Variants in CACNA1C observed in about 807,000 individuals in gnomAD.
CACNA1C encodes calcium voltage-gated channel subunit alpha1 C.
CACNA1C carries 30 observed loss-of-function variants against 229.0 expected under a neutral mutation model. The observed-to-expected ratio is 0.13, with a 90% confidence interval of 0.10 to 0.18. The LOEUF (loss-of-function observed/expected upper bound fraction) is 0.18. Ranked by LOEUF, CACNA1C falls within the 10% of genes least tolerant of loss-of-function variation. CACNA1C has a pLI of 1.00. For synonymous variants in CACNA1C, 1,114 were observed against 1,132.5 expected, an observed-to-expected ratio of 0.98 and a Z score of 0.33; for missense variants, 1,658 against 2,845.0, an observed-to-expected ratio of 0.58 and a Z score of 9.49.
In CACNA1C at chr12:2,584,630, G is replaced by A. The variant is rs1195272111; in HGVS notation, c.2339+13G>A. ...AGAAGCTGGCCAGGTAACCCTCTAA[G>A]CTTGCCCAGGCCTGGGGCTCCAGGG... is the stretch of plus-strand genomic sequence containing the variant. On this transcript the variant is annotated intron_variant, in intron 16 of 46. Coordinates refer to ENST00000399655, the MANE Select transcript of CACNA1C (RefSeq NM_000719.7). The A allele has an allele frequency of 6.4e-7, 1 of 1,566,468 alleles. No individual in the cohort carries two copies. The highest frequency in any genetic ancestry group is 2.3e-5 in the East Asian group (1 of 44,444).
At chr12:2,271,576 T>C (rs1465572364) in intron 3 of CACNA1C, among the ~76,000 whole-genome samples, 1 of 152,072 alleles carries the variant, frequency 6.6e-6, no homozygotes, top group Non-Finnish European at 1.5e-5. Flanking sequence ...GTGTCTATGG[T>C]AGGGAATTAG....
rs114455370 is a variant in CACNA1C at position 2,555,238 on chromosome 12, T to A, written c.1482-1713T>A. ...TTAGGTTTCCCCAGAGGGGAGCTTT[T>A]CAGAGCCCACTTGCACTTGTGACCC... On this transcript the variant is annotated intron_variant, in intron 10 of 46. Coordinates refer to ENST00000399655, the MANE Select transcript of CACNA1C (RefSeq NM_000719.7). Among the ~76,000 whole-genome samples the A allele has an allele frequency of 3.7e-3, 563 of 152,330 alleles. 3 individuals are homozygous for A. The highest frequency in any genetic ancestry group is 0.013 in the African/African-American group (528 of 41,588).
At chr12:2,522,701 C>G (rs897195836) in intron 9 of CACNA1C, among the ~76,000 whole-genome samples, 2 of 152,116 alleles carry the variant, frequency 1.3e-5, no homozygotes, top group African/African-American at 4.8e-5. Flanking sequence ...GGATACATTT[C>G]AGCCCTCTGG....
intron 1 of CACNA1C, among the ~76,000 whole-genome samples, chr12:2,114,228 G>A (rs1371515351): frequency 6.6e-6 from 1 of 152,222 alleles, no homozygotes; most frequent in Non-Finnish European, 1.5e-5. Context: ...CTGGGGGCTG[G>A]CCAGGGCTCC....
intron 7 of CACNA1C, among the ~76,000 whole-genome samples, chr12:2,497,663 C>A (rs1332741120): frequency 6.6e-6 from 1 of 152,170 alleles, no homozygotes; most frequent in Non-Finnish European, 1.5e-5. Flanking sequence ...TGACACCACC[C>A]ATTGCCCCTG....
At chr12:2,491,601 G>A (rs1353849027) in intron 6 of CACNA1C, among the ~76,000 whole-genome samples, 3 of 151,480 alleles carry the variant, frequency 2.0e-5, no homozygotes, top group African/African-American at 7.3e-5. Context: ...AGCTGATGGG[G>A]TCAGTGGGAG....
At chr12:2,136,625 T>A (rs1290161724) in intron 3 of CACNA1C, among the ~76,000 whole-genome samples, 1 of 150,830 alleles carries the variant, frequency 6.6e-6, no homozygotes, top group African/African-American at 2.4e-5. Context: ...AAGGAGGGAG[T>A]GAACGTCCCC....
At chr12:1,993,627 G>GGTGTGTGT (rs150056084) in intron 1 of CACNA1C, among the ~76,000 whole-genome samples, 16,235 of 146,482 alleles carry the variant, frequency 0.11, 927 homozygotes, top group Non-Finnish European at 0.13. Context: ...CTTCATTTGT[G>GGTGTGTGT]GTGTGTGTGT....
At position 2,685,799 on chromosome 12, in the gene CACNA1C, C is replaced by T. The variant is rs569227029; in HGVS notation, c.5637C>T (p.Ile1879=). The T allele has an allele frequency of 1.2e-6, 2 of 1,613,706 alleles. No individual in the cohort carries two copies. The highest frequency in any genetic ancestry group is 1.7e-6 in the Non-Finnish European group (2 of 1,179,638). Residue 1879 remains isoleucine, a synonymous_variant, in exon 44 of 47, where the codon ATC becomes ATT. Coordinates refer to ENST00000399655, the MANE Select transcript of CACNA1C (RefSeq NM_000719.7). ...LTLPEEDKRD[I]RQSPKRGFLR... ...TCCCAGAGGAGGACAAGAGGGACAT[C>T]CGGCAATCTCCGAAGAGGGGTTTCC...
chr12:2,677,387 G>A lies in CACNA1C; in HGVS notation c.4956+166G>A. 1.3e-6 allele frequency: 1 copy of A among 745,068 alleles called. No individual in the cohort carries two copies. The highest frequency in any genetic ancestry group is 2.1e-6 in the Non-Finnish European group (1 of 471,062). 46.2% of individuals were successfully genotyped at this position (745,068 alleles called of 1,614,324 possible). On this transcript the variant is annotated intron_variant, in intron 40 of 46. Coordinates refer to ENST00000399655, the MANE Select transcript of CACNA1C (RefSeq NM_000719.7). This position sits in a 1 kb window ranked among gnomAD's most constrained non-coding sequence, Gnocchi z 7.4. ...CCAAAGATGGCTGTGAGAAGGGGGTGATGTGCCCTTCCCTACCTGCCACCC... is the reference window on the plus strand; with the variant it reads ...CCAAAGATGGCTGTGAGAAGGGGGTAATGTGCCCTTCCCTACCTGCCACCC...
At chr12:2,455,665 C>G (rs1039645389) in intron 4 of CACNA1C, among the ~76,000 whole-genome samples, 1 of 152,146 alleles carries the variant, frequency 6.6e-6, no homozygotes, top group Non-Finnish European at 1.5e-5. Context: ...TGTTTGTCCA[C>G]ATCACTCCAC....
At chr12:2,006,175 T>C (rs1466742409) in intron 1 of CACNA1C, among the ~76,000 whole-genome samples, 2 of 152,152 alleles carry the variant, frequency 1.3e-5, no homozygotes, top group Non-Finnish European at 2.9e-5. Flanking sequence ...TTTGGGAGGC[T>C]GAGGCGGGCG....
intron 2 of CACNA1C, among the ~76,000 whole-genome samples, chr12:2,116,594 C>A (rs756024566): frequency 3.9e-5 from 6 of 152,092 alleles, no homozygotes; most frequent in Non-Finnish European, 8.8e-5. Context: ...GTCTCGATCT[C>A]CTAACCTCGT....
intron 1 of CACNA1C, among the ~76,000 whole-genome samples, chr12:1,975,820 A>G (rs749300844): frequency 2.6e-5 from 4 of 152,196 alleles, no homozygotes; most frequent in Admixed American, 6.5e-5. Flanking sequence ...CAGATTGTTA[A>G]GTTACATAAG....
At chr12:2,259,556 A>T (rs1483364636) in intron 3 of CACNA1C, among the ~76,000 whole-genome samples, 1 of 152,230 alleles carries the variant, frequency 6.6e-6, no homozygotes, top group African/African-American at 2.4e-5. Flanking sequence ...AGAATTTTCC[A>T]GTGTCTTTTG....
chr12:2,292,918 G>A (rs2093653787), intron 3 of CACNA1C, among the ~76,000 whole-genome samples: 2 of 151,608 alleles, frequency 1.3e-5, no homozygotes, highest in African/African-American at 2.4e-5. Flanking sequence ...AGAGCTTTCC[G>A]TAATTGCGTC....
chr12:2,119,366 G>A (rs2085461595), intron 2 of CACNA1C, among the ~76,000 whole-genome samples: 1 of 152,246 alleles, frequency 6.6e-6, no homozygotes, highest in African/African-American at 2.4e-5. Flanking sequence ...CGGGGTAGGT[G>A]GGAGTGGAGC....
chr12:2,504,374 C>T lies in CACNA1C; in HGVS notation c.1114-468C>T, dbSNP rs1429107922. 8.7e-6 allele frequency: 8 copies of T among 919,582 alleles called. No individual in the cohort carries two copies. The highest frequency in any genetic ancestry group is 1.3e-5 in the South Asian group (1 of 74,808). 57.0% of individuals were successfully genotyped at this position (919,582 alleles called of 1,614,324 possible). On this transcript the variant is annotated intron_variant, in intron 7 of 46. Coordinates refer to ENST00000399655, the MANE Select transcript of CACNA1C (RefSeq NM_000719.7). The surrounding 1 kb of genome is among the most constrained non-coding windows in gnomAD (Gnocchi z 6.8). ...CCTCCCAATCTGCTCACACCTGCTG[C>T]CTGCCTCTTTGCTGTAACCCAATTC...
intron 3 of CACNA1C, among the ~76,000 whole-genome samples, chr12:2,328,055 G>T (rs1365306357): frequency 6.6e-6 from 1 of 152,224 alleles, no homozygotes; most frequent in African/African-American, 2.4e-5. Context: ...TGCAGAGGAA[G>T]ATTTTGATAG....
Sources: allele counts gnomAD v4.1 joint callset (sites outside exome capture counted in the v4.1 genomes callset), GRCh38; gene constraint gnomAD v4.1.1; non-coding constraint Gnocchi (gnomAD v3.1); transcripts MANE v1.5; gene names NCBI Gene and HGNC (gene_info 2026-07-23, HGNC 2026-07-21).